Variants in ZFPM2 observed in about 807,000 individuals in gnomAD.
ZFPM2 encodes the protein zinc finger protein ZFPM2.
ZFPM2 carries 20 observed loss-of-function variants against 98.6 expected under a neutral mutation model. The observed-to-expected ratio is 0.20, with a 90% confidence interval of 0.14 to 0.29. The LOEUF is 0.29. ZFPM2 is among the 10% of genes least tolerant of loss of function. The pLI is 1.00. For synonymous variants in ZFPM2, 518 were observed against 502.7 expected (o/e 1.03, Z -0.41); for missense variants, 1,310 against 1,388.6 (o/e 0.94, Z 0.90).
At chr8:105,530,856 A>G (rs1308612158) in intron 3 of ZFPM2, among the ~76,000 whole-genome samples, 2 of 152,162 alleles carry the variant, frequency 1.3e-5, no homozygotes, top group Non-Finnish European at 2.9e-5. Flanking sequence ...GAGCTCTACA[A>G]TGTAAGGTAT....
At chr8:105,727,676 C>T (rs1302005209) in intron 5 of ZFPM2, among the ~76,000 whole-genome samples, 1 of 151,664 alleles carries the variant, frequency 6.6e-6, no homozygotes, top group Non-Finnish European at 1.5e-5. Context: ...CCCCTCATTG[C>T]ACTGTGGCTT....
chr8:105,505,679 T>A (rs1194459082), intron 3 of ZFPM2, among the ~76,000 whole-genome samples: 1 of 152,148 alleles, frequency 6.6e-6, no homozygotes, highest in Admixed American at 6.5e-5. Flanking sequence ...CTGCTACATT[T>A]CAAATATTAT....
chr8:105,408,320 T>G (rs1480012885), intron 1 of ZFPM2, among the ~76,000 whole-genome samples: 1 of 151,944 alleles, frequency 6.6e-6, no homozygotes, highest in African/African-American at 2.4e-5. Context: ...GAGGTGCTTT[T>G]GGGAGCCTCT....
At chr8:105,705,188 G>T (rs1724045572) in intron 5 of ZFPM2, among the ~76,000 whole-genome samples, 1 of 151,938 alleles carries the variant, frequency 6.6e-6, no homozygotes, top group African/African-American at 2.4e-5. Flanking sequence ...TCTAAAATCA[G>T]TATGTTATGT....
intron 1 of ZFPM2, among the ~76,000 whole-genome samples, chr8:105,320,467 A>G (rs1344594378): frequency 1.3e-5 from 2 of 152,164 alleles, no homozygotes; most frequent in Non-Finnish European, 2.9e-5. Flanking sequence ...CTTTTTCAGA[A>G]TGATTATTCA....
At chr8:105,618,063 G>A (rs1403637236) in intron 4 of ZFPM2, among the ~76,000 whole-genome samples, 4 of 152,088 alleles carry the variant, frequency 2.6e-5, no homozygotes, top group South Asian at 2.1e-4. Flanking sequence ...TTCACAGCTC[G>A]AAAAACCCTG....
At position 105,684,029 on chromosome 8, in the gene ZFPM2, T is replaced by G. The variant is rs117319796; in HGVS notation, c.532+49672T>G. ...ATAAAACACCCTGAGGACATCATGA[T>G]AATGTAGAGTAATGTTCACAGCACA... On this transcript the variant is annotated intron_variant, in intron 5 of 7. Coordinates refer to ENST00000407775, the MANE Select transcript of ZFPM2 (RefSeq NM_012082.4). Among the ~76,000 whole-genome samples the G allele has an allele frequency of 3.3e-5, 5 of 152,294 alleles. No individual in the cohort carries two copies. In the East Asian group the frequency reaches 9.6e-4, roughly 29 times the overall value.
chr8:105,534,101 T>TCCTC (rs1220013525), intron 3 of ZFPM2, among the ~76,000 whole-genome samples: 1 of 44,586 alleles, frequency 2.2e-5, no homozygotes, highest in Non-Finnish European at 4.2e-5. Context: ...CTCCCTCCCT[T>TCCTC]CCTCCCTTCC....
At chr8:105,436,317 C>T (rs1215637813) in intron 2 of ZFPM2, among the ~76,000 whole-genome samples, 1 of 151,870 alleles carries the variant, frequency 6.6e-6, no homozygotes, top group Non-Finnish European at 1.5e-5. Flanking sequence ...GTCGGGAGTT[C>T]GAGACCAGCC....
intron 1 of ZFPM2, among the ~76,000 whole-genome samples, chr8:105,401,627 C>T (rs112283683): frequency 2.8e-4 from 43 of 152,072 alleles, no homozygotes; most frequent in African/African-American, 1.0e-3. Flanking sequence ...GGAGTTTTAC[C>T]AGTTGTTTTG....
intron 3 of ZFPM2, among the ~76,000 whole-genome samples, chr8:105,555,285 A>G (rs1332644214): frequency 6.6e-6 from 1 of 152,162 alleles, no homozygotes; most frequent in Non-Finnish European, 1.5e-5. Context: ...TTTTTGAAGA[A>G]TAACTGCAAA....
At chr8:105,598,762 C>T (rs1461910092) in intron 4 of ZFPM2, among the ~76,000 whole-genome samples, 1 of 152,076 alleles carries the variant, frequency 6.6e-6, no homozygotes, top group African/African-American at 2.4e-5. Context: ...GAAGTCCTTT[C>T]AAAAACTCTT....
chr8:105,430,402 A>G (rs1209613320), intron 2 of ZFPM2, among the ~76,000 whole-genome samples: 3 of 152,352 alleles, frequency 2.0e-5, no homozygotes, highest in Middle Eastern at 3.4e-3. Flanking sequence ...AAAACCAAAC[A>G]GATTCACAAA....
intron 5 of ZFPM2, among the ~76,000 whole-genome samples, chr8:105,762,589 A>G (rs1812756517): frequency 6.6e-6 from 1 of 152,026 alleles, no homozygotes; most frequent in Non-Finnish European, 1.5e-5. Flanking sequence ...TATGTGCATC[A>G]AGTTTGACTA....
intron 5 of ZFPM2, among the ~76,000 whole-genome samples, chr8:105,680,782 A>T (rs10091491): frequency 0.079 from 12,079 of 152,166 alleles, 1,552 homozygotes; most frequent in African/African-American, 0.27. Flanking sequence ...GCTCTAAAAG[A>T]CTTTGGGATC....
chr8:105,365,112 T>C (rs1341194457), intron 1 of ZFPM2, among the ~76,000 whole-genome samples: 1 of 152,156 alleles, frequency 6.6e-6, no homozygotes, highest in East Asian at 1.9e-4. Flanking sequence ...GCCTGTCCTG[T>C]CTCATTAGCA....
At chr8:105,447,317 A>C (rs903294137) in intron 3 of ZFPM2, among the ~76,000 whole-genome samples, 1 of 145,184 alleles carries the variant, frequency 6.9e-6, no homozygotes, top group Non-Finnish European at 1.5e-5. Flanking sequence ...GAAGTTTGGC[A>C]AAAAAAAAAA....
At chr8:105,715,196 T>A (rs1811489615) in intron 5 of ZFPM2, among the ~76,000 whole-genome samples, 1 of 151,960 alleles carries the variant, frequency 6.6e-6, no homozygotes, top group Non-Finnish European at 1.5e-5. Flanking sequence ...CCCAGGAGTT[T>A]GAGACCAAGC....
intron 5 of ZFPM2, among the ~76,000 whole-genome samples, chr8:105,756,522 G>A (rs1416074590): frequency 6.6e-6 from 1 of 152,072 alleles, no homozygotes; most frequent in Non-Finnish European, 1.5e-5. Context: ...AATAAAGTAG[G>A]AACAATGGCT....
Sources: gnomAD v4.1 joint callset for allele counts (sites outside exome capture counted in the v4.1 genomes callset) on GRCh38, gnomAD v4.1.1 for gene constraint, MANE v1.5 for transcripts, NCBI Gene and HGNC (gene_info 2026-07-23, HGNC 2026-07-21) for gene names.